MTMR3: variants seen among roughly 807,000 people sequenced by gnomAD.
MTMR3 encodes the protein myotubularin related protein 3, also known as phosphatidylinositol-3,5-bisphosphate 3-phosphatase MTMR3.
Under a neutral mutation model 132.4 loss-of-function variants are expected in MTMR3, and 32 were observed. The observed-to-expected ratio is 0.24, with a 90% CI of 0.18 to 0.32. The LOEUF is 0.32. Ranked by LOEUF, MTMR3 falls within the 10% of genes least tolerant of loss-of-function variation. The pLI, the probability that MTMR3 is intolerant of heterozygous loss-of-function variation, is 1.00. For missense variants in MTMR3, 1,216 were observed against 1,489.6 expected (o/e 0.82, Z 3.02); for synonymous variants, 556 against 550.3 (o/e 1.01, Z -0.14).
chr22:29,948,076 G>C (rs1328782700), intron 1 of MTMR3, among the ~76,000 whole-genome samples: 1 of 152,138 alleles, frequency 6.6e-6, no homozygotes. Context: ...ATTTTAACTA[G>C]GCCAGTAGAA....
chr22:29,888,529 C>T (rs2064723793), intron 1 of MTMR3, among the ~76,000 whole-genome samples: 1 of 152,146 alleles, frequency 6.6e-6, no homozygotes, highest in Non-Finnish European at 1.5e-5. Flanking sequence ...TGGTGAAATA[C>T]CTCATAGCTA....
At chr22:29,982,001 AGAGCAAG>A (rs2066755599) in intron 5 of MTMR3, 1 of 152,028 alleles carries the variant, frequency 6.6e-6, no homozygotes, top group East Asian at 1.9e-4. Context: ...CGAGGTCAGG[AGAGCAAG>A]ACCATCCTGG....
At chr22:29,958,168 T>C (rs2066238791) in intron 2 of MTMR3, among the ~76,000 whole-genome samples, 1 of 152,222 alleles carries the variant, frequency 6.6e-6, no homozygotes, top group African/African-American at 2.4e-5. Context: ...GTGTGGCTAC[T>C]AAACCTTGTC....
In MTMR3 at chr22:30,019,981, TCTC is replaced by T. The variant is rs761236318; in HGVS notation, c.2326_2328del (p.Leu776del). ...CTGAACAGCAGAGTGGGCTCAGTGTTCTCCTCAGTTCTCTCCAGGTCCCCCCCA... is the reference window on the plus strand; with the variant it reads ...CTGAACAGCAGAGTGGGCTCAGTGTTCTCAGTTCTCTCCAGGTCCCCCCCA... On this transcript the variant is annotated inframe_deletion, in exon 17 of 20. Coordinates refer to ENST00000401950, the MANE Select transcript of MTMR3 (RefSeq NM_021090.4). 1.6e-5 allele frequency: 26 copies of T among 1,614,188 alleles called. No homozygotes were observed. Among genetic ancestry groups the T allele is most frequent in the East Asian group, 2.2e-5 (1 of 44,874 alleles).
intron 1 of MTMR3, among the ~76,000 whole-genome samples, chr22:29,898,977 A>C (rs2145722126): frequency 6.6e-6 from 1 of 150,578 alleles, no homozygotes; most frequent in African/African-American, 2.4e-5. Context: ...TTTATAAGTG[A>C]GTCACTGATA....
At chr22:29,962,869 T>C (rs748838876) in intron 2 of MTMR3, among the ~76,000 whole-genome samples, 3 of 152,032 alleles carry the variant, frequency 2.0e-5, no homozygotes, top group Non-Finnish European at 4.4e-5. Context: ...TTCATTCACG[T>C]TGAAGCATGT....
intron 1 of MTMR3, among the ~76,000 whole-genome samples, chr22:29,944,680 C>T (rs1056419573): frequency 1.3e-5 from 2 of 152,072 alleles, no homozygotes; most frequent in Admixed American, 1.3e-4. Flanking sequence ...CTACTTTGCT[C>T]GGTTATCTTT....
chr22:29,909,715 C>G (rs73396837), intron 1 of MTMR3, among the ~76,000 whole-genome samples: 2,508 of 152,266 alleles, frequency 0.016, 66 homozygotes, highest in African/African-American at 0.058. Context: ...AATAGTATGT[C>G]TCTCAGCATA....
At chr22:29,983,177 T>A (rs1006304129) in intron 5 of MTMR3, 2 of 152,230 alleles carry the variant, frequency 1.3e-5, no homozygotes, top group African/African-American at 4.8e-5. Flanking sequence ...TCCAGTTGTA[T>A]GCTACTAGGA....
intron 2 of MTMR3, among the ~76,000 whole-genome samples, chr22:29,964,243 T>C (rs1761821782): frequency 6.6e-6 from 1 of 152,216 alleles, no homozygotes; most frequent in Admixed American, 6.5e-5. Context: ...TAACTACCAC[T>C]GTGGGGTTCA....
chr22:29,975,347 T>C (rs2066609637), intron 3 of MTMR3, among the ~76,000 whole-genome samples: 2 of 152,244 alleles, frequency 1.3e-5, no homozygotes, highest in South Asian at 4.1e-4. Flanking sequence ...AAAAATATTT[T>C]TCCTCATCCA....
At chr22:29,944,160 A>C (rs1180541265) in intron 1 of MTMR3, among the ~76,000 whole-genome samples, 1 of 152,004 alleles carries the variant, frequency 6.6e-6, no homozygotes, top group Non-Finnish European at 1.5e-5. Context: ...GGGGTCTTAA[A>C]GCCCAGAAGA....
chr22:29,924,846 T>C (rs1438764785), intron 1 of MTMR3, among the ~76,000 whole-genome samples: 1 of 152,206 alleles, frequency 6.6e-6, no homozygotes. Context: ...AATTTCTTTT[T>C]TTGGCTTGTT....
Position 30,012,314 on chromosome 22 carries a change from A to G in MTMR3, c.1122-54A>G, listed in dbSNP as rs1443147899. On this transcript the variant is annotated intron_variant, in intron 12 of 19. Coordinates refer to ENST00000401950, the MANE Select transcript of MTMR3 (RefSeq NM_021090.4). ...TTTCATTTGACAATCATTGAGCATG[A>G]TGCAGTAAATCATAAAAAAATCAGC... The G allele has an allele frequency of 3.2e-6, 5 of 1,555,620 alleles. No individual in the cohort carries two copies. In the Admixed American group the frequency reaches 5.6e-5, roughly 17 times the overall value.
intron 2 of MTMR3, among the ~76,000 whole-genome samples, chr22:29,958,003 A>G (rs1207926253): frequency 1.3e-5 from 2 of 152,088 alleles, no homozygotes; most frequent in Admixed American, 6.5e-5. Flanking sequence ...ATATATATAT[A>G]TATGTATGTA....
At chr22:29,902,699 G>T (rs1000088056) in intron 1 of MTMR3, among the ~76,000 whole-genome samples, 1 of 151,964 alleles carries the variant, frequency 6.6e-6, no homozygotes, top group African/African-American at 2.4e-5. Context: ...AAAATAACTG[G>T]GAAAAATTTT....
At chr22:29,904,458 T>C (rs1211587064) in intron 1 of MTMR3, among the ~76,000 whole-genome samples, 2 of 152,224 alleles carry the variant, frequency 1.3e-5, no homozygotes, top group African/African-American at 4.8e-5. Context: ...TGGGTTTGAA[T>C]TGTGGTTCTA....
At chr22:29,964,778 T>C (rs2066381038) in intron 2 of MTMR3, among the ~76,000 whole-genome samples, 1 of 152,212 alleles carries the variant, frequency 6.6e-6, no homozygotes, top group Non-Finnish European at 1.5e-5. Flanking sequence ...CAGGGTGATC[T>C]TAAAATCAAA....
At chr22:29,972,146 T>G (rs941571060) in intron 3 of MTMR3, among the ~76,000 whole-genome samples, 8 of 152,236 alleles carry the variant, frequency 5.3e-5, no homozygotes, top group African/African-American at 1.9e-4. Context: ...TGATGAACTT[T>G]TCCTGTTATT....
Sources: allele counts gnomAD v4.1 joint callset (sites outside exome capture counted in the v4.1 genomes callset), GRCh38; gene constraint gnomAD v4.1.1; transcripts MANE v1.5; gene names NCBI Gene and HGNC (gene_info 2026-07-23, HGNC 2026-07-21).